Variants in PTPRM observed in about 807,000 individuals in gnomAD.
PTPRM encodes the protein receptor-type tyrosine-protein phosphatase mu.
PTPRM carries 47 observed loss-of-function variants against 186.7 expected under a neutral mutation model. The observed-to-expected ratio is 0.25, with a 90% CI of 0.20 to 0.32. The LOEUF (loss-of-function observed/expected upper bound fraction) is 0.32. Ranked by LOEUF, PTPRM falls within the 10% of genes least tolerant of loss-of-function variation. PTPRM has a pLI of 1.00. For synonymous variants in PTPRM, 668 were observed against 674.9 expected (o/e 0.99, Z 0.16); for missense variants, 1,494 against 1,865.0 (o/e 0.80, Z 3.66).
intron 2 of PTPRM, among the ~76,000 whole-genome samples, chr18:7,867,132 G>A (rs182034463): frequency 6.6e-6 from 1 of 152,292 alleles, no homozygotes; most frequent in African/African-American, 2.4e-5. Context: ...GCACACTGAT[G>A]GGTCTCGACT....
rs114595358 is a variant in PTPRM at position 8,013,390 on chromosome 18, C to A, written c.1133-56296C>A. On this transcript the variant is annotated intron_variant, in intron 7 of 32. Coordinates refer to ENST00000580170, the MANE Select transcript of PTPRM (RefSeq NM_001105244.2). ...ACTGATAACATAAACCATCGATTAA[C>A]ACATATTTTGTATGTTATGTGTTTC... is the stretch of plus-strand genomic sequence containing the variant. 5.7e-3 allele frequency among the ~76,000 whole-genome samples: 871 copies of A among 152,234 alleles called. 13 individuals carry two copies. Among genetic ancestry groups the A allele is most frequent in the African/African-American group, 0.02 (822 of 41,516 alleles).
At chr18:7,660,406 T>C (rs2144375061) in intron 1 of PTPRM, among the ~76,000 whole-genome samples, 1 of 151,274 alleles carries the variant, frequency 6.6e-6, no homozygotes, top group Non-Finnish European at 1.5e-5. Context: ...CTTCAAGAGG[T>C]TTTTGTATGG....
intron 7 of PTPRM, among the ~76,000 whole-genome samples, chr18:7,991,768 T>A (rs1296820411): frequency 6.6e-6 from 1 of 152,100 alleles, no homozygotes; most frequent in African/African-American, 2.4e-5. Flanking sequence ...ACATGGTTTC[T>A]GATTCCCAGA....
intron 7 of PTPRM, among the ~76,000 whole-genome samples, chr18:7,969,482 A>G (rs899985195): frequency 6.1e-5 from 9 of 148,144 alleles, no homozygotes; most frequent in African/African-American, 2.1e-4. Context: ...GGAAATAGAG[A>G]CACAAAAAAC....
intron 13 of PTPRM, among the ~76,000 whole-genome samples, chr18:8,122,749 C>T (rs569705050): frequency 2.0e-4 from 30 of 152,284 alleles, no homozygotes; most frequent in Non-Finnish European, 3.7e-4. Context: ...TTTGCACATA[C>T]ATTTAGCTAT....
intron 2 of PTPRM, among the ~76,000 whole-genome samples, chr18:7,852,763 G>A (rs1347589606): frequency 6.6e-6 from 1 of 152,128 alleles, no homozygotes; most frequent in African/African-American, 2.4e-5. Context: ...TGCAGAGGTG[G>A]GAGGATTGCT....
At chr18:7,724,577 A>AT (rs1484074167) in intron 1 of PTPRM, among the ~76,000 whole-genome samples, 3 of 152,166 alleles carry the variant, frequency 2.0e-5, no homozygotes, top group African/African-American at 7.2e-5. Flanking sequence ...GCCTGAAAAG[A>AT]TTTTTTCAGA....
chr18:8,345,021 G>A (rs573514568), intron 23 of PTPRM, among the ~76,000 whole-genome samples: 1 of 152,100 alleles, frequency 6.6e-6, no homozygotes, highest in South Asian at 2.1e-4. Flanking sequence ...AAAGCACTTC[G>A]GCCAACTCCA....
chr18:7,726,726 G>A (rs1402915455), intron 1 of PTPRM, among the ~76,000 whole-genome samples: 1 of 152,128 alleles, frequency 6.6e-6, no homozygotes, highest in Non-Finnish European at 1.5e-5. Flanking sequence ...GTTCCAAACT[G>A]GACTGTAATG....
At chr18:7,706,072 A>G (rs1461060138) in intron 1 of PTPRM, among the ~76,000 whole-genome samples, 3 of 150,344 alleles carry the variant, frequency 2.0e-5, no homozygotes, top group Non-Finnish European at 4.4e-5. Context: ...TAGAGAGAGT[A>G]TGATTTTTGT....
At chr18:7,765,072 C>T (rs942425000) in intron 1 of PTPRM, among the ~76,000 whole-genome samples, 6 of 152,226 alleles carry the variant, frequency 3.9e-5, no homozygotes, top group African/African-American at 1.4e-4. Flanking sequence ...AATTTGGTTG[C>T]ATCTGTACAA....
At chr18:7,987,586 A>G (rs904270068) in intron 7 of PTPRM, among the ~76,000 whole-genome samples, 20 of 152,086 alleles carry the variant, frequency 1.3e-4, no homozygotes, top group African/African-American at 4.8e-4. Context: ...GGGATAAAGG[A>G]TGGGGAATGG....
At chr18:7,938,932 C>T (rs1020167835) in intron 5 of PTPRM, among the ~76,000 whole-genome samples, 1 of 152,128 alleles carries the variant, frequency 6.6e-6, no homozygotes. Flanking sequence ...AGTTTTAGTA[C>T]AGTACTCCAA....
In PTPRM at chr18:7,687,599, C is replaced by T. The variant is rs76176574; in HGVS notation, c.74-86550C>T. On this transcript the variant is annotated intron_variant, in intron 1 of 32. Coordinates refer to ENST00000580170, the MANE Select transcript of PTPRM (RefSeq NM_001105244.2). ...ATAATTTAAGTTTCCATTTAAAATG[C>T]GTATTTAAACATTATAATGTGTTGG... is the stretch of plus-strand genomic sequence containing the variant. Among the ~76,000 whole-genome samples, 628 of 152,026 alleles carry T rather than the reference C, an allele frequency of 4.1e-3. 5 individuals are homozygous for T. The highest frequency in any genetic ancestry group is 0.014 in the African/African-American group (588 of 41,456).
At position 7,911,040 on chromosome 18, in the gene PTPRM, C is replaced by G. The variant is rs189717570; in HGVS notation, c.547+4457C>G. On this transcript the variant is annotated intron_variant, in intron 4 of 32. Coordinates refer to ENST00000580170, the MANE Select transcript of PTPRM (RefSeq NM_001105244.2). The stretch of plus-strand genomic sequence containing the variant: ...AAATGCAGTTGCGCTATATGTGGCC[C>G]TTTGTGTCTGGCTTCCTTCACTTAG... 1.7e-3 allele frequency among the ~76,000 whole-genome samples: 254 copies of G among 152,262 alleles called. 2 individuals carry two copies. The highest frequency in any genetic ancestry group is 2.7e-3 in the Admixed American group (41 of 15,288).
chr18:7,782,947 A>T (rs932443395), intron 2 of PTPRM, among the ~76,000 whole-genome samples: 2 of 152,210 alleles, frequency 1.3e-5, no homozygotes, highest in African/African-American at 4.8e-5. Context: ...TTGGAAGCTT[A>T]CAAAAAGTAA....
At chr18:7,780,715 T>G (rs1483313680) in intron 2 of PTPRM, among the ~76,000 whole-genome samples, 1 of 151,924 alleles carries the variant, frequency 6.6e-6, no homozygotes, top group Non-Finnish European at 1.5e-5. Context: ...CAGGTAAGGG[T>G]AGAAAATAGA....
rs543003492 is a variant in PTPRM at position 8,189,533 on chromosome 18, C to T, written c.2300+45754C>T. ...ATTTTGTTTTATCCTCAGCCCAAAG[C>T]GAAATAAAGCCATAGAAAGTTTTTG... On this transcript the variant is annotated intron_variant, in intron 14 of 32. Transcript: ENST00000580170. 1.8e-4 allele frequency among the ~76,000 whole-genome samples: 28 copies of T among 152,238 alleles called. No individual in the cohort carries two copies. In the South Asian group the frequency reaches 4.4e-3, roughly 24 times the overall value.
intron 7 of PTPRM, among the ~76,000 whole-genome samples, chr18:8,025,742 T>C (rs2085529656): frequency 1.3e-5 from 2 of 152,170 alleles, no homozygotes; most frequent in Non-Finnish European, 2.9e-5. Context: ...ACAAAAGTAA[T>C]TAAACCATTC....
Sources: gnomAD v4.1 joint callset for allele counts (sites outside exome capture counted in the v4.1 genomes callset) on GRCh38, gnomAD v4.1.1 for gene constraint, MANE v1.5 for transcripts, NCBI Gene and HGNC (gene_info 2026-07-23, HGNC 2026-07-21) for gene names.